AVEN: variants seen among roughly 807,000 people sequenced by gnomAD.
The protein encoded by AVEN is cell death regulator Aven.
In AVEN, 41 loss-of-function variants were observed where a neutral mutation model predicts 38.1. The ratio of observed to expected loss-of-function variants is 1.08; its 90% CI spans 0.84 to 1.40. AVEN has a LOEUF of 1.40. AVEN is among the 40% of genes most tolerant of loss of function. The probability of loss-of-function intolerance (pLI) is 0.00; values close to 1 mark genes in which losing one functional copy is unlikely to be tolerated. For synonymous variants in AVEN, 206 were observed against 171.8 expected, an observed-to-expected ratio of 1.20 and a Z score of -1.56; for missense variants, 605 against 438.8, an observed-to-expected ratio of 1.38 and a Z score of -3.38.
rs756889023 is a variant in AVEN at position 33,983,191 on chromosome 15, T to C, written c.445+19841A>G. 6.3e-5 allele frequency among the ~76,000 whole-genome samples: 6 copies of C among 94,604 alleles called. 1 individual carries two copies. The South Asian group carries it at 2.7e-3, about 43-fold the overall frequency. 62.1% of individuals were successfully genotyped at this position (94,604 alleles called of 152,430 possible). On this transcript the variant is annotated intron_variant, in intron 2 of 5. Coordinates refer to ENST00000306730, the MANE Select transcript of AVEN (RefSeq NM_020371.3). ...GTGTGTATATATACACACGTGTGTG[T>C]ATGTGTGTGTATATATATATATACA...
chr15:33,916,636 C>T (rs552925891), intron 2 of AVEN, among the ~76,000 whole-genome samples: 1 of 152,020 alleles, frequency 6.6e-6, no homozygotes, highest in African/African-American at 2.4e-5. Flanking sequence ...AACCACAATG[C>T]AATACTACAT....
chr15:33,978,558 G>A (rs1895995664), intron 2 of AVEN, among the ~76,000 whole-genome samples: 1 of 152,110 alleles, frequency 6.6e-6, no homozygotes. Context: ...AGCTACTTGG[G>A]AGGCTAAGAC....
At chr15:33,953,623 T>C (rs887681441) in intron 2 of AVEN, among the ~76,000 whole-genome samples, 4 of 152,200 alleles carry the variant, frequency 2.6e-5, no homozygotes, top group Non-Finnish European at 5.9e-5. Context: ...CCTTATACTT[T>C]ATACAAAAAT....
chr15:33,874,215 T>C (rs886865695), intron 3 of AVEN, among the ~76,000 whole-genome samples: 2 of 152,238 alleles, frequency 1.3e-5, no homozygotes, highest in African/African-American at 2.4e-5. Context: ...TAGTCCTTCT[T>C]ATAACTCTGA....
At chr15:33,929,153 G>C (rs1447192380) in intron 2 of AVEN, among the ~76,000 whole-genome samples, 1 of 152,104 alleles carries the variant, frequency 6.6e-6, no homozygotes, top group African/African-American at 2.4e-5. Flanking sequence ...GCCTGACCTA[G>C]AATACCAAAC....
At chr15:34,068,813 A>ATTT (rs147560221) in intron 2 of AVEN, among the ~76,000 whole-genome samples, 104,035 of 136,436 alleles carry the variant, frequency 0.76, 40,539 homozygotes, top group East Asian at 0.95. Context: ...CTACAATCCA[A>ATTT]TTTTTTTTTT....
At chr15:34,033,092 T>C (rs1745129748) in intron 1 of AVEN, among the ~76,000 whole-genome samples, 1 of 152,126 alleles carries the variant, frequency 6.6e-6, no homozygotes, top group Non-Finnish European at 1.5e-5. Context: ...AATCAAAAAT[T>C]AGGAAAAGAA....
At position 33,914,600 on chromosome 15, in the gene AVEN, T is replaced by C. The variant is rs563456388; in HGVS notation, c.446-38605A>G. The stretch of plus-strand genomic sequence containing the variant: ...TTTTAACAGGCATATAGGGAAACCA[T>C]ACTAGATGAGTTATAGGATTGAACA... On this transcript the variant is annotated intron_variant, in intron 2 of 5. Coordinates refer to ENST00000306730, the MANE Select transcript of AVEN (RefSeq NM_020371.3). Among the ~76,000 whole-genome samples the C allele has an allele frequency of 1.5e-4, 22 of 149,968 alleles. No individual in the cohort carries two copies. The South Asian group carries it at 3.3e-3, about 22-fold the overall frequency.
intron 2 of AVEN, among the ~76,000 whole-genome samples, chr15:33,899,458 ACCTT>A (rs1892390236): frequency 1.1e-5 from 1 of 89,886 alleles, no homozygotes; most frequent in African/African-American, 3.7e-5. Context: ...TTCAGGGAAA[ACCTT>A]TTTTTTTTTT....
At chr15:33,925,737 T>C (rs1332450490) in intron 2 of AVEN, among the ~76,000 whole-genome samples, 1 of 152,158 alleles carries the variant, frequency 6.6e-6, no homozygotes, top group Non-Finnish European at 1.5e-5. Flanking sequence ...GATACTCTCT[T>C]TAGTGGGAGA....
intron 2 of AVEN, among the ~76,000 whole-genome samples, chr15:33,878,246 TAAA>T (rs1476655255): frequency 6.6e-6 from 1 of 152,120 alleles, no homozygotes; most frequent in Non-Finnish European, 1.5e-5. Context: ...TTTTAAATGG[TAAA>T]GAAGTTGTCT....
chr15:34,011,564 A>G (rs940189267), intron 1 of AVEN, among the ~76,000 whole-genome samples: 15 of 152,220 alleles, frequency 9.9e-5, no homozygotes, highest in African/African-American at 3.6e-4. Flanking sequence ...TTCTCTAGCA[A>G]AAGAAGTATA....
chr15:33,937,224 T>C (rs1894107602), intron 2 of AVEN, among the ~76,000 whole-genome samples: 1 of 149,800 alleles, frequency 6.7e-6, no homozygotes, highest in Non-Finnish European at 1.5e-5. Context: ...CTGGGGCAAC[T>C]GTTAGCAACA....
At chr15:34,071,013 A>G (rs1900614142) in intron 1 of AVEN, among the ~76,000 whole-genome samples, 1 of 152,052 alleles carries the variant, frequency 6.6e-6, no homozygotes, top group African/African-American at 2.4e-5. Flanking sequence ...TCTGTCCAAA[A>G]AGTCCTAACT....
rs370469140 is a variant in AVEN at position 33,901,143 on chromosome 15, T to C, written c.446-25148A>G. ...TTGGCTGGGTGTGGTGGTAGGCGCC[T>C]GTAGTCACAGCTACTTGGGAGGCTG... On this transcript the variant is annotated intron_variant, in intron 2 of 5. Coordinates refer to ENST00000306730, the MANE Select transcript of AVEN (RefSeq NM_020371.3). Among the ~76,000 whole-genome samples the C allele has an allele frequency of 4.6e-5, 7 of 152,142 alleles. No homozygotes were observed. The East Asian group carries it at 9.6e-4, about 21-fold the overall frequency.
At chr15:33,872,893 T>C (rs766381769) in intron 3 of AVEN, among the ~76,000 whole-genome samples, 30 of 151,832 alleles carry the variant, frequency 2.0e-4, no homozygotes, top group Non-Finnish European at 3.8e-4. Flanking sequence ...GAGGCCAACA[T>C]AGCTAGATCA....
rs552161981 is a variant in AVEN at position 33,879,446 on chromosome 15, A to G, written c.446-3451T>C. On this transcript the variant is annotated intron_variant, in intron 2 of 5. Coordinates refer to ENST00000306730, the MANE Select transcript of AVEN (RefSeq NM_020371.3). ...AGGGATAGCATTAGGAGATATATCT[A>G]ATGCTAAATGACGAGTTAATGGGTG... Among the ~76,000 whole-genome samples the G allele has an allele frequency of 5.9e-3, 887 of 150,978 alleles. 17 individuals are homozygous for G. Among genetic ancestry groups the G allele is most frequent in the Non-Finnish European group, 3.9e-3 (267 of 67,704 alleles).
chr15:33,937,532 CA>C (rs34079351), intron 2 of AVEN, among the ~76,000 whole-genome samples: 87,142 of 147,122 alleles, frequency 0.59, 27,802 homozygotes, highest in East Asian at 0.77. Context: ...GACTCCATCT[CA>C]AAAAAAAAAA....
chr15:33,881,881 A>G (rs1891499215), intron 2 of AVEN, among the ~76,000 whole-genome samples: 1 of 152,240 alleles, frequency 6.6e-6, no homozygotes, highest in South Asian at 2.1e-4. Context: ...ACTAAAAGGT[A>G]TAGAAGAAAA....
Sources: gnomAD v4.1 joint callset for allele counts (sites outside exome capture counted in the v4.1 genomes callset) on GRCh38, gnomAD v4.1.1 for gene constraint, MANE v1.5 for transcripts, NCBI Gene and HGNC (gene_info 2026-07-23, HGNC 2026-07-21) for gene names.